Variants in UBASH3B observed in about 807,000 individuals in gnomAD.
UBASH3B encodes ubiquitin-associated and SH3 domain-containing protein B.
Under a neutral mutation model 83.4 loss-of-function variants are expected in UBASH3B, and 37 were observed. The ratio of observed to expected loss-of-function variants is 0.44; its 90% confidence interval spans 0.34 to 0.58. UBASH3B has a LOEUF of 0.58. Ranked by LOEUF, UBASH3B falls within the 20% of genes least tolerant of loss-of-function variation. The probability of loss-of-function intolerance (pLI) is 0.01; values close to 1 mark genes in which losing one functional copy is unlikely to be tolerated. For missense variants in UBASH3B, 657 were observed against 827.2 expected (o/e 0.79, Z 2.52); for synonymous variants, 304 against 318.3 (o/e 0.96, Z 0.48).
At chr11:122,793,453 G>A (rs923029220) in intron 6 of UBASH3B, among the ~76,000 whole-genome samples, 8 of 152,098 alleles carry the variant, frequency 5.3e-5, no homozygotes, top group African/African-American at 9.7e-5. Context: ...TAGCCTAAAC[G>A]GGTTGCCTCA....
chr11:122,724,717 C>T (rs955600886), intron 1 of UBASH3B, among the ~76,000 whole-genome samples: 1 of 152,052 alleles, frequency 6.6e-6, no homozygotes, highest in African/African-American at 2.4e-5. Context: ...CAACAGCACA[C>T]ACAGGGCCAC....
rs186340790 is a variant in UBASH3B at position 122,758,190 on chromosome 11, C to T, written c.162-18029C>T. ...GGGGTGGGGCCGGTCTGGGGGGTAT[C>T]GTAGTTGGGCCAGCAGACACACGGC... On this transcript the variant is annotated intron_variant, in intron 1 of 13. Coordinates refer to ENST00000284273, the MANE Select transcript of UBASH3B (RefSeq NM_032873.5). The surrounding 1 kb of genome is among the most constrained non-coding windows in gnomAD (Gnocchi z 4.2). Among the ~76,000 whole-genome samples, 16 of 152,196 alleles carry T rather than the reference C, an allele frequency of 1.1e-4. No homozygotes were observed. In the East Asian group the frequency reaches 2.9e-3, roughly 28 times the overall value.
chr11:122,665,954 G>A (rs1863509774), intron 1 of UBASH3B, among the ~76,000 whole-genome samples: 2 of 152,146 alleles, frequency 1.3e-5, no homozygotes, highest in African/African-American at 2.4e-5. Flanking sequence ...TGTGCTCCCG[G>A]CCTCTGTGGA....
intron 1 of UBASH3B, among the ~76,000 whole-genome samples, chr11:122,674,723 A>ATTT (rs1565524760): frequency 9.1e-6 from 1 of 110,206 alleles, no homozygotes. Flanking sequence ...CTCTGCAGTT[A>ATTT]GTTTTTTTTT....
chr11:122,701,720 C>G (rs1336824682), intron 1 of UBASH3B, among the ~76,000 whole-genome samples: 1 of 152,116 alleles, frequency 6.6e-6, no homozygotes, highest in East Asian at 1.9e-4. Flanking sequence ...TTTGACTCTC[C>G]CCTCAAGATG....
At chr11:122,690,167 C>CAT (rs57203901) in intron 1 of UBASH3B, among the ~76,000 whole-genome samples, 1,345 of 43,432 alleles carry the variant, frequency 0.031, 43 homozygotes, top group East Asian at 0.06. Flanking sequence ...GGCAGGAAAA[C>CAT]ATATATATAT....
intron 1 of UBASH3B, among the ~76,000 whole-genome samples, chr11:122,771,947 T>G (rs1860652833): frequency 6.6e-6 from 1 of 152,214 alleles, no homozygotes; most frequent in Admixed American, 6.5e-5. Flanking sequence ...GCTGGATACT[T>G]GGTTTTTATT....
intron 1 of UBASH3B, among the ~76,000 whole-genome samples, chr11:122,714,907 G>A (rs74557777): frequency 0.13 from 19,326 of 152,164 alleles, 1,368 homozygotes; most frequent in African/African-American, 0.18. Context: ...CCATGTCATA[G>A]AGTTGTTCTG....
intron 1 of UBASH3B, among the ~76,000 whole-genome samples, chr11:122,745,364 T>C (rs940811244): frequency 2.0e-5 from 3 of 152,168 alleles, no homozygotes; most frequent in Admixed American, 6.5e-5. Flanking sequence ...ATTCAGCAAG[T>C]ATTTATGGGG....
intron 7 of UBASH3B, among the ~76,000 whole-genome samples, chr11:122,795,447 G>A (rs10790535): frequency 0.058 from 8,841 of 152,226 alleles, 647 homozygotes; most frequent in East Asian, 0.31. Context: ...GTGCTGGCCC[G>A]CGCTAAGGAA....
chr11:122,720,760 TTATC>T (rs755290063), intron 1 of UBASH3B, among the ~76,000 whole-genome samples: 1 of 152,148 alleles, frequency 6.6e-6, no homozygotes, highest in Non-Finnish European at 1.5e-5. Context: ...TTCATTACCT[TTATC>T]TAATCTTTCC....
At chr11:122,709,092 C>T (rs938960417) in intron 1 of UBASH3B, among the ~76,000 whole-genome samples, 3 of 152,146 alleles carry the variant, frequency 2.0e-5, no homozygotes, top group African/African-American at 7.2e-5. Context: ...ACAAAAACTA[C>T]AAAAATTAGC....
At chr11:122,700,271 T>A (rs1864025170) in intron 1 of UBASH3B, among the ~76,000 whole-genome samples, 1 of 152,162 alleles carries the variant, frequency 6.6e-6, no homozygotes. Flanking sequence ...TGGGCTGACA[T>A]CATAAGCTTT....
chr11:122,666,776 C>G (rs933238743), intron 1 of UBASH3B, among the ~76,000 whole-genome samples: 1 of 152,046 alleles, frequency 6.6e-6, no homozygotes, highest in Non-Finnish European at 1.5e-5. Flanking sequence ...TTTTTCCCCT[C>G]TTTTTTCCTA....
chr11:122,717,740 G>A (rs942625915), intron 1 of UBASH3B, among the ~76,000 whole-genome samples: 6 of 152,062 alleles, frequency 3.9e-5, no homozygotes, highest in Non-Finnish European at 5.9e-5. Flanking sequence ...GTGACTGTTG[G>A]TGGCAGTTCT....
intron 1 of UBASH3B, among the ~76,000 whole-genome samples, chr11:122,739,705 C>T (rs991788797): frequency 3.9e-5 from 6 of 152,222 alleles, no homozygotes; most frequent in African/African-American, 1.4e-4. Context: ...TCTCTGCTCA[C>T]TCTCTGATTT....
At chr11:122,710,866 G>C (rs1022906655) in intron 1 of UBASH3B, among the ~76,000 whole-genome samples, 1 of 152,154 alleles carries the variant, frequency 6.6e-6, no homozygotes, top group Non-Finnish European at 1.5e-5. Flanking sequence ...GCAGGGTGGT[G>C]GGGGTGGAGA....
In UBASH3B at chr11:122,745,612, C is replaced by T. The variant is rs1177219272; in HGVS notation, c.162-30607C>T. Reference sequence around the variant, plus strand: ...TAATCAATATGCCTTTCTTCCTTTACAAAGATATTATTGACCCACAGGCTT... The same window carrying T: ...TAATCAATATGCCTTTCTTCCTTTATAAAGATATTATTGACCCACAGGCTT... On this transcript the variant is annotated intron_variant, in intron 1 of 13. Coordinates refer to ENST00000284273, the MANE Select transcript of UBASH3B (RefSeq NM_032873.5). Among the ~76,000 whole-genome samples, 4 of 152,338 alleles carry T rather than the reference C, an allele frequency of 2.6e-5. No individual in the cohort carries two copies. In the East Asian group the frequency reaches 5.8e-4, roughly 22 times the overall value.
At chr11:122,779,297 A>C in intron 3 of UBASH3B, 200 bp from the exon 4 acceptor site, 1 of 630,270 alleles carries the variant, frequency 1.6e-6, no homozygotes, top group Non-Finnish European at 2.8e-6. Context: ...TGTGTTCCCC[A>C]CATTAATCCA....
Sources: gnomAD v4.1 joint callset for allele counts (sites outside exome capture counted in the v4.1 genomes callset) on GRCh38, gnomAD v4.1.1 for gene constraint, Gnocchi (gnomAD v3.1) non-coding constraint, MANE v1.5 for transcripts, NCBI Gene and HGNC (gene_info 2026-07-23, HGNC 2026-07-21) for gene names.